Variants in PSMA1 observed in about 807,000 individuals in gnomAD.
PSMA1 encodes the protein proteasome 20S subunit alpha 1, also known as proteasome subunit alpha type-1.
PSMA1 carries 3 observed loss-of-function variants against 38.4 expected under a neutral mutation model. The ratio of observed to expected loss-of-function variants is 0.08; its 90% CI spans 0.04 to 0.20. PSMA1 has a LOEUF of 0.20. Ranked by LOEUF, PSMA1 falls within the 10% of genes least tolerant of loss-of-function variation. The pLI, the probability that PSMA1 is intolerant of heterozygous loss-of-function variation, is 1.00. For synonymous variants in PSMA1, 101 were observed against 107.1 expected (o/e 0.94, Z 0.35); for missense variants, 227 against 325.3 (o/e 0.70, Z 2.32).
intron 1 of PSMA1, among the ~76,000 whole-genome samples, chr11:14,627,020 A>C (rs559969467): frequency 1.3e-4 from 20 of 152,286 alleles, no homozygotes; most frequent in African/African-American, 4.8e-4. Context: ...TAGCTTTCAG[A>C]TAGCCCCCTT....
chr11:14,510,878 A>T lies in PSMA1; in HGVS notation c.618T>A (p.Thr206=), dbSNP rs1206774274. 5 of 1,600,316 alleles carry T rather than the reference A, an allele frequency of 3.1e-6. No homozygotes were observed. In the East Asian group the frequency reaches 1.1e-4, roughly 36 times the overall value. The change falls in exon 8 of 10, where the codon ACT becomes ACA. Residue 206 remains threonine (T), a synonymous_variant. Coordinates refer to ENST00000396394, the MANE Select transcript of PSMA1 (RefSeq NM_002786.4). ...TGGAAAAGACAATACTTACCTTTGT[A>T]GTCAGGTCCTGTTCTGCAGGAAGCG... ...RETLPAEQDL[T]TKNVSIGIVG...
intron 4 of PSMA1, among the ~76,000 whole-genome samples, chr11:14,516,445 A>C (rs1851431405): frequency 6.6e-6 from 1 of 152,190 alleles, no homozygotes; most frequent in Non-Finnish European, 1.5e-5. Flanking sequence ...TAAGCTTCTC[A>C]AAGAGCTAGA....
At chr11:14,518,010 A>G in intron 2 of PSMA1, 29 bp from the exon 3 acceptor site, 1 of 1,410,350 alleles carries the variant, frequency 7.1e-7, no homozygotes, top group Non-Finnish European at 9.7e-7. Context: ...AAAAACACAC[A>G]TCTTAGAAGA....
intron 2 of PSMA1, among the ~76,000 whole-genome samples, chr11:14,597,529 CG>C (rs1852513826): frequency 6.6e-6 from 1 of 152,262 alleles, no homozygotes; most frequent in African/African-American, 2.4e-5. Flanking sequence ...AGTTTATTTG[CG>C]TAGAGGTGTT....
chr11:14,518,941 T>C, intron 2 of PSMA1, 56 bp downstream of exon 2: 1 of 1,366,204 alleles, frequency 7.3e-7, no homozygotes, highest in East Asian at 2.3e-5. Flanking sequence ...AGTTTCTAAA[T>C]ATATTGCAGC....
intron 2 of PSMA1, among the ~76,000 whole-genome samples, chr11:14,606,462 A>G (rs1852644981): frequency 6.6e-6 from 1 of 152,226 alleles, no homozygotes; most frequent in Non-Finnish European, 1.5e-5. Context: ...CTGTTTTGAA[A>G]TATTTGTCAA....
intron 2 of PSMA1, among the ~76,000 whole-genome samples, chr11:14,596,333 G>T (rs1565053937): frequency 6.6e-6 from 1 of 152,138 alleles, no homozygotes; most frequent in Non-Finnish European, 1.5e-5. Flanking sequence ...ATTACTTTGG[G>T]CATTATGGCC....
chr11:14,613,772 C>A (rs1052093879), intron 1 of PSMA1, among the ~76,000 whole-genome samples: 6 of 152,068 alleles, frequency 3.9e-5, no homozygotes, highest in Admixed American at 6.6e-5. Context: ...TGGTTGAGGC[C>A]TCTGGACACA....
chr11:14,584,500 GTTTTTTGTT>G (rs1385460206), intron 2 of PSMA1, among the ~76,000 whole-genome samples: 3 of 133,700 alleles, frequency 2.2e-5, no homozygotes, highest in African/African-American at 5.9e-5. Context: ...TGTTTTTTTT[GTTTTTTGTT>G]TTTTTTTTTT....
chr11:14,617,190 AG>A (rs780947452), intron 1 of PSMA1, among the ~76,000 whole-genome samples: 6 of 152,202 alleles, frequency 3.9e-5, no homozygotes, highest in Non-Finnish European at 7.3e-5. Flanking sequence ...TTCTCTGGGA[AG>A]GAAAGAGTTG....
chr11:14,519,123 G>C, intron 1 of PSMA1, 82 bp from the exon 2 acceptor site: 2 of 1,223,812 alleles, frequency 1.6e-6, no homozygotes, highest in Non-Finnish European at 2.4e-6. Flanking sequence ...AAATATGCTT[G>C]TATTTCCATT....
intron 4 of PSMA1, among the ~76,000 whole-genome samples, chr11:14,516,261 G>A (rs1379152068): frequency 2.0e-5 from 3 of 151,310 alleles, no homozygotes; most frequent in African/African-American, 7.3e-5. Flanking sequence ...CTAGAGTACA[G>A]TGGCACTATC....
intron 9 of PSMA1, among the ~76,000 whole-genome samples, chr11:14,507,076 G>A (rs754350148): frequency 6.6e-6 from 1 of 152,168 alleles, no homozygotes; most frequent in African/African-American, 2.4e-5. Flanking sequence ...GCAAAATTGT[G>A]AGAAGTAGTG....
At chr11:14,598,445 A>G (rs1289294918) in intron 2 of PSMA1, among the ~76,000 whole-genome samples, 1 of 152,096 alleles carries the variant, frequency 6.6e-6, no homozygotes. Flanking sequence ...TTGGTTGCAT[A>G]TATATTTAGG....
At position 14,642,145 on chromosome 11, in the gene PSMA1, T is replaced by G. The variant is rs187018518; in HGVS notation, c.-166+1310A>C. Among the ~76,000 whole-genome samples, 221 of 152,340 alleles carry G rather than the reference T, an allele frequency of 1.5e-3. 2 individuals are homozygous for G. The highest frequency in any genetic ancestry group is 2.4e-3 in the Non-Finnish European group (161 of 68,028). On this transcript the variant is annotated intron_variant, in intron 1 of 10. Transcript: ENST00000418988. ...CACACCTGTTAATCTGAATTTGTTCTAATTTTCAAATCAATTTATTATTTC... is the reference window on the plus strand; with the variant it reads ...CACACCTGTTAATCTGAATTTGTTCGAATTTTCAAATCAATTTATTATTTC...
At chr11:14,559,539 C>A (rs1565044635) in intron 2 of PSMA1, among the ~76,000 whole-genome samples, 1 of 152,218 alleles carries the variant, frequency 6.6e-6, no homozygotes, top group South Asian at 2.1e-4. Flanking sequence ...GGACTTAACA[C>A]AACCAGAGAG....
intron 2 of PSMA1, among the ~76,000 whole-genome samples, chr11:14,545,644 G>T (rs955155980): frequency 2.6e-5 from 4 of 152,152 alleles, no homozygotes; most frequent in Admixed American, 6.5e-5. Flanking sequence ...ACATGATGTT[G>T]TTCCTTTTTT....
chr11:14,632,787 A>G (rs534488340), intron 1 of PSMA1, among the ~76,000 whole-genome samples: 1 of 151,548 alleles, frequency 6.6e-6, no homozygotes, highest in Non-Finnish European at 1.5e-5. Flanking sequence ...CATTCTCCCC[A>G]TCACTTTCAG....
chr11:14,532,012 G>C (rs138342566), intron 2 of PSMA1, among the ~76,000 whole-genome samples: 1 of 151,938 alleles, frequency 6.6e-6, no homozygotes, highest in African/African-American at 2.4e-5. Flanking sequence ...ACTCTCTTCA[G>C]TTACCCCTTT....
Sources: gnomAD v4.1 joint callset for allele counts (sites outside exome capture counted in the v4.1 genomes callset) on GRCh38, gnomAD v4.1.1 for gene constraint, MANE v1.5 for transcripts, NCBI Gene and HGNC (gene_info 2026-07-23, HGNC 2026-07-21) for gene names.